RNLS: variants seen among roughly 807,000 people sequenced by gnomAD.
RNLS encodes the protein renalase.
A neutral mutation model predicts 39.8 loss-of-function variants in RNLS; 39 were observed. The ratio of observed to expected loss-of-function variants is 0.98; its 90% CI spans 0.76 to 1.28. RNLS has a LOEUF of 1.28. Ranked by LOEUF, RNLS falls within the 50% of genes most tolerant of loss-of-function variation. The probability of loss-of-function intolerance (pLI) is 0.00; values close to 1 mark genes in which losing one functional copy is unlikely to be tolerated. For synonymous variants in RNLS, 147 were observed against 150.7 expected, an observed-to-expected ratio of 0.98 and a Z score of 0.18; for missense variants, 410 against 413.3, an observed-to-expected ratio of 0.99 and a Z score of 0.07.
At chr10:88,200,937 C>G in the RNLS span, among the ~76,000 whole-genome samples, 1 of 151,878 alleles carries the variant, frequency 6.6e-6, no homozygotes, top group Non-Finnish European at 1.5e-5. Context: ...TTTTCTGAAA[C>G]AGCCAAGGAC....
intron 4 of RNLS, among the ~76,000 whole-genome samples, chr10:88,450,561 G>A (rs1253757092): frequency 6.6e-6 from 1 of 152,182 alleles, no homozygotes; most frequent in Non-Finnish European, 1.5e-5. Flanking sequence ...AATACTAGGA[G>A]ATACCAATAC....
At chr10:88,215,639 AC>A in the RNLS span, among the ~76,000 whole-genome samples, 2 of 151,076 alleles carry the variant, frequency 1.3e-5, no homozygotes, top group African/African-American at 4.9e-5. Context: ...GCTGCTCCTC[AC>A]ATTTAGACCA....
At chr10:88,424,363 T>G (rs1044821554) in intron 4 of RNLS, among the ~76,000 whole-genome samples, 2 of 152,108 alleles carry the variant, frequency 1.3e-5, no homozygotes, top group African/African-American at 4.8e-5. Flanking sequence ...CAACACTGGA[T>G]AAAGGAAATA....
At chr10:88,357,593 TA>T (rs1849289060) in intron 5 of RNLS, among the ~76,000 whole-genome samples, 1 of 152,176 alleles carries the variant, frequency 6.6e-6, no homozygotes, top group Non-Finnish European at 1.5e-5. Flanking sequence ...CAATTTATAC[TA>T]AATGTTTTAG....
chr10:88,237,653 T>A, the RNLS span, among the ~76,000 whole-genome samples: 7 of 152,214 alleles, frequency 4.6e-5, no homozygotes, highest in Non-Finnish European at 7.3e-5. Context: ...TATAAGAAAG[T>A]AGCAGAGAAT....
At chr10:88,174,180 T>C in the RNLS span, among the ~76,000 whole-genome samples, 2 of 152,128 alleles carry the variant, frequency 1.3e-5, no homozygotes, top group Non-Finnish European at 2.9e-5. Flanking sequence ...TATGTAAGAT[T>C]ATGTCATCTG....
chr10:88,178,535 G>A, the RNLS span, among the ~76,000 whole-genome samples: 1 of 152,110 alleles, frequency 6.6e-6, no homozygotes, highest in Non-Finnish European at 1.5e-5. Flanking sequence ...TCCCTGCAGT[G>A]GGGAATCCCT....
Position 88,284,316 on chromosome 10 carries a change from AT to A in RNLS, c.*1037del. On this transcript the variant is annotated 3_prime_UTR_variant, in exon 7 of 7. Coordinates refer to ENST00000331772, the MANE Select transcript of RNLS (RefSeq NM_001031709.3). ...TTTGTTAGTTTGAGAGGCTGCAATG[AT>A]TTTTCTCCTTTCAAAATGCTGAAAT... is the stretch of plus-strand genomic sequence containing the variant. 7.1e-6 allele frequency: 7 copies of A among 985,280 alleles called. No individual in the cohort carries two copies. The highest frequency in any genetic ancestry group is 8.4e-6 in the Non-Finnish European group (7 of 829,892). The allele number at this position is 985,280 out of a possible 1,614,324, so 61.0% of individuals were successfully genotyped here. A position where few individuals can be genotyped will look rare whatever the true frequency, so the allele number is the denominator to read the frequency against.
the RNLS span, among the ~76,000 whole-genome samples, chr10:88,232,032 TGTGAGATGTCTGTG>T: frequency 6.6e-6 from 1 of 152,166 alleles, no homozygotes; most frequent in East Asian, 1.9e-4. Context: ...TGTTTGTGGT[TGTGAGATGTCTGTG>T]GTGGTTCTAA....
chr10:88,273,921 G>A (rs149250995), exon 7 of RNLS: 3 of 152,106 alleles, frequency 2.0e-5, no homozygotes, highest in Non-Finnish European at 2.9e-5. Flanking sequence ...GGCAGAACAC[G>A]ATTTTAAATA....
At chr10:88,378,090 G>A (rs1851167927) in intron 4 of RNLS, among the ~76,000 whole-genome samples, 1 of 151,794 alleles carries the variant, frequency 6.6e-6, no homozygotes, top group South Asian at 2.1e-4. Flanking sequence ...TCCCCGTACT[G>A]TCCCACTAGA....
At chr10:88,467,278 T>C (rs1051041614) in intron 4 of RNLS, among the ~76,000 whole-genome samples, 2 of 151,742 alleles carry the variant, frequency 1.3e-5, no homozygotes, top group Non-Finnish European at 2.9e-5. Context: ...TACACTGGTG[T>C]TGTGTGGGAA....
At chr10:88,500,693 C>T (rs952685611) in intron 4 of RNLS, among the ~76,000 whole-genome samples, 9 of 152,108 alleles carry the variant, frequency 5.9e-5, no homozygotes, top group Non-Finnish European at 1.2e-4. Context: ...AATGGCAAAA[C>T]TAATAACCTA....
chr10:88,438,672 C>G (rs896420578), intron 4 of RNLS, among the ~76,000 whole-genome samples: 1 of 152,136 alleles, frequency 6.6e-6, no homozygotes, highest in Non-Finnish European at 1.5e-5. Flanking sequence ...TGTTTCACCC[C>G]TTGCCTTTAA....
chr10:88,232,172 G>A, the RNLS span, among the ~76,000 whole-genome samples: 1 of 152,148 alleles, frequency 6.6e-6, no homozygotes, highest in African/African-American at 2.4e-5. Context: ...CTCTTGAGTC[G>A]GGTGCCCAAT....
rs5786827 is a variant in RNLS, at chr10:88,564,316, T to TACACAC, written c.526+8581_526+8586dup. On this transcript the variant is annotated intron_variant, in intron 4 of 6. Coordinates refer to ENST00000331772, the MANE Select transcript of RNLS (RefSeq NM_001031709.3). ...TTTGAAAGGTTGTGATGACTGCAAA[T>TACACAC]ACACACACACACACACACACACACA... Among the ~76,000 whole-genome samples, 483 of 149,028 alleles carry TACACAC rather than the reference T, an allele frequency of 3.2e-3. 2 individuals are homozygous for TACACAC. The highest frequency in any genetic ancestry group is 7.4e-3 in the African/African-American group (301 of 40,616).
At chr10:88,570,970 T>TG (rs555048840) in intron 4 of RNLS, among the ~76,000 whole-genome samples, 1,298 of 114,468 alleles carry the variant, frequency 0.011, 19 homozygotes, top group African/African-American at 0.049. Flanking sequence ...ATTCTTTTTT[T>TG]TTTTTTTTTT....
chr10:88,283,279 C>T (rs984929222), downstream of RNLS, among the ~76,000 whole-genome samples: 5 of 152,078 alleles, frequency 3.3e-5, no homozygotes, highest in South Asian at 4.2e-4. Context: ...ATCTACATAT[C>T]AAGTAGGGTT....
At chr10:88,573,191 C>G in intron 3 of RNLS, 130 bp from the exon 4 acceptor site, 1 of 762,050 alleles carries the variant, frequency 1.3e-6, no homozygotes, top group Non-Finnish European at 2.0e-6. Context: ...TGTCCTCCAG[C>G]TCTCTTCCTT....
Sources: gnomAD v4.1 joint callset for allele counts (sites outside exome capture counted in the v4.1 genomes callset) on GRCh38, gnomAD v4.1.1 for gene constraint, MANE v1.5 for transcripts, NCBI Gene and HGNC (gene_info 2026-07-23, HGNC 2026-07-21) for gene names.